Variants in CAMK1D observed in about 807,000 individuals in gnomAD.
CAMK1D encodes calcium/calmodulin dependent protein kinase ID.
In CAMK1D, 9 loss-of-function variants were observed where a neutral mutation model predicts 47.7. That is an observed-to-expected ratio of 0.19 (90% CI 0.11 to 0.33). The LOEUF (loss-of-function observed/expected upper bound fraction) is 0.33, where lower values mean the gene tolerates loss of function less well. Ranked by LOEUF, CAMK1D falls within the 10% of genes least tolerant of loss-of-function variation. The pLI is 1.00. For synonymous variants in CAMK1D, 184 were observed against 184.9 expected (o/e 0.99, Z 0.04); for missense variants, 291 against 488.7 (o/e 0.60, Z 3.81).
chr10:12,360,450 A>G (rs1263619895), intron 1 of CAMK1D, among the ~76,000 whole-genome samples: 1 of 152,200 alleles, frequency 6.6e-6, no homozygotes, highest in Non-Finnish European at 1.5e-5. Context: ...CCAGCAGGCC[A>G]GCGTCCCCTG....
At chr10:12,531,049 C>A in intron 1 of CAMK1D, among the ~76,000 whole-genome samples, 1 of 117,374 alleles carries the variant, frequency 8.5e-6, no homozygotes, top group African/African-American at 3.4e-5. Flanking sequence ...CAGGGTGAGA[C>A]TCTGCTTAAA....
chr10:12,732,435 CAT>C (rs1430935750), intron 3 of CAMK1D, among the ~76,000 whole-genome samples: 3 of 152,112 alleles, frequency 2.0e-5, no homozygotes, highest in African/African-American at 7.2e-5. Flanking sequence ...CTGATAAAGA[CAT>C]ATCCAAGACT....
rs1588711396 is a variant in CAMK1D, at chr10:12,349,848, C to G, written c.30C>G (p.Ser10=). MARENGESS[S]SWKKQAEDIK... Reference sequence around the variant, plus strand: ...CCCGGGAGAACGGCGAGAGCAGCTCCTCCTGGAAAAAGCAAGCTGAAGACA... The same window carrying G: ...CCCGGGAGAACGGCGAGAGCAGCTCGTCCTGGAAAAAGCAAGCTGAAGACA... The change falls in exon 1 of 11, where the codon TCC becomes TCG. Residue 10 remains serine, a synonymous_variant. Coordinates refer to ENST00000619168, the MANE Select transcript of CAMK1D (RefSeq NM_153498.4). The G allele has an allele frequency of 6.5e-7, 1 of 1,535,124 alleles. No homozygotes were observed. Among genetic ancestry groups the G allele is most frequent in the Non-Finnish European group, 8.8e-7 (1 of 1,138,978 alleles).
At chr10:12,687,008 CA>C (rs138337528) in intron 3 of CAMK1D, among the ~76,000 whole-genome samples, 1 of 151,926 alleles carries the variant, frequency 6.6e-6, no homozygotes, top group East Asian at 1.9e-4. Flanking sequence ...ATCAATATGA[CA>C]AAAAAATTTC....
At chr10:12,582,551 G>T (rs547549047) in intron 2 of CAMK1D, among the ~76,000 whole-genome samples, 2 of 152,112 alleles carry the variant, frequency 1.3e-5, no homozygotes, top group Non-Finnish European at 2.9e-5. Context: ...ATTTCTTTTA[G>T]CAGTGTCTTG....
intron 3 of CAMK1D, chr10:12,725,414 C>G (rs1222670404): frequency 6.4e-6 from 1 of 155,398 alleles, no homozygotes; most frequent in Non-Finnish European, 1.5e-5. Flanking sequence ...AGGGGGTTTT[C>G]TTCCTCAACA....
rs1313772096 is a variant in CAMK1D, at chr10:12,824,563, A to T, written c.921+11A>T. ...AAGAGCAAATGGAGAGTAAGTGTGG[A>T]GTATATGAAATTCCCCGTGGATTAA... On this transcript the variant is annotated intron_variant, in intron 9 of 10. Transcript: ENST00000619168. The T allele has an allele frequency of 6.2e-7, 1 of 1,608,984 alleles. No individual in the cohort carries two copies. The highest frequency in any genetic ancestry group is 8.5e-7 in the Non-Finnish European group (1 of 1,175,544).
intron 5 of CAMK1D, among the ~76,000 whole-genome samples, chr10:12,774,517 T>C (rs1460450112): frequency 6.6e-6 from 1 of 152,144 alleles, no homozygotes; most frequent in African/African-American, 2.4e-5. Flanking sequence ...TTGGAAATCG[T>C]CGTATAGACT....
At chr10:12,628,786 C>T (rs1035716932) in intron 2 of CAMK1D, among the ~76,000 whole-genome samples, 1 of 152,168 alleles carries the variant, frequency 6.6e-6, no homozygotes, top group Admixed American at 6.6e-5. Context: ...TTCTTCCCTC[C>T]CTTCCCCTTC....
At chr10:12,790,327 T>C (rs917850650) in intron 5 of CAMK1D, among the ~76,000 whole-genome samples, 5 of 152,232 alleles carry the variant, frequency 3.3e-5, no homozygotes, top group East Asian at 1.9e-4. Flanking sequence ...GGGTAGGCCT[T>C]AGCTCTGAGC....
intron 3 of CAMK1D, 101 bp from the exon 4 acceptor site, chr10:12,760,847 T>A (rs552347955): frequency 1.5e-6 from 2 of 1,314,456 alleles, no homozygotes; most frequent in African/African-American, 2.9e-5. Flanking sequence ...TGAAGATGGA[T>A]TCATTTTTGC....
At chr10:12,788,059 A>C (rs1334415155) in intron 5 of CAMK1D, among the ~76,000 whole-genome samples, 1 of 152,246 alleles carries the variant, frequency 6.6e-6, no homozygotes, top group Non-Finnish European at 1.5e-5. Context: ...ATTCTTGTTC[A>C]AATTCTTGAC....
At chr10:12,499,157 G>T (rs1038456381) in intron 1 of CAMK1D, among the ~76,000 whole-genome samples, 16 of 150,960 alleles carry the variant, frequency 1.1e-4, no homozygotes, top group African/African-American at 3.4e-4. Flanking sequence ...GAAGCAAGAG[G>T]AATGGAAATG....
At chr10:12,813,849 C>A (rs1179593558) in intron 6 of CAMK1D, among the ~76,000 whole-genome samples, 3 of 152,034 alleles carry the variant, frequency 2.0e-5, no homozygotes, top group African/African-American at 7.2e-5. Context: ...GAACCTCCAC[C>A]TCCCAGGCTC....
chr10:12,479,523 A>G (rs977545803), intron 1 of CAMK1D, among the ~76,000 whole-genome samples: 3 of 152,198 alleles, frequency 2.0e-5, no homozygotes, highest in Non-Finnish European at 4.4e-5. Context: ...CAAGTTCCCC[A>G]GCAGTGCTGC....
At chr10:12,793,301 A>G (rs1239749891) in intron 6 of CAMK1D, among the ~76,000 whole-genome samples, 1 of 151,916 alleles carries the variant, frequency 6.6e-6, no homozygotes, top group Non-Finnish European at 1.5e-5. Context: ...TTGAACCATG[A>G]CTATGGTCTG....
At position 12,786,038 on chromosome 10, in the gene CAMK1D, C is replaced by T. The variant is rs80109952; in HGVS notation, c.566-5120C>T. 6.8e-3 allele frequency among the ~76,000 whole-genome samples: 1,037 copies of T among 152,054 alleles called. 8 individuals carry two copies. The highest frequency in any genetic ancestry group is 0.027 in the Middle Eastern group (8 of 294). ...GAATGTTATATTTTCCACGAATTTC[C>T]GTGAGATGAAAAATAGCTATTTGAA... On this transcript the variant is annotated intron_variant, in intron 5 of 10. Coordinates refer to ENST00000619168, the MANE Select transcript of CAMK1D (RefSeq NM_153498.4).
intron 2 of CAMK1D, among the ~76,000 whole-genome samples, chr10:12,567,590 G>A (rs1399838425): frequency 1.3e-5 from 2 of 152,212 alleles, no homozygotes; most frequent in Non-Finnish European, 2.9e-5. Flanking sequence ...AAGTTTTCAC[G>A]CAGGTGTTCA....
chr10:12,374,774 T>C, intron 1 of CAMK1D, among the ~76,000 whole-genome samples: 1 of 151,942 alleles, frequency 6.6e-6, no homozygotes, highest in Admixed American at 6.6e-5. Flanking sequence ...AAACCTTGTC[T>C]CTACTAAAGA....
Sources: allele counts gnomAD v4.1 joint callset (sites outside exome capture counted in the v4.1 genomes callset), GRCh38; gene constraint gnomAD v4.1.1; transcripts MANE v1.5; gene names NCBI Gene and HGNC (gene_info 2026-07-23, HGNC 2026-07-21).